TMEM132B: variants seen among roughly 807,000 people sequenced by gnomAD.
TMEM132B encodes the protein transmembrane protein 132B.
A neutral mutation model predicts 90.8 loss-of-function variants in TMEM132B; 18 were observed. That is an observed-to-expected ratio of 0.20 (90% CI 0.14 to 0.29). The LOEUF (loss-of-function observed/expected upper bound fraction) is 0.29, where lower values mean the gene tolerates loss of function less well. Among genes scored for constraint, TMEM132B ranks in the 10% least tolerant of loss-of-function variants. The probability of loss-of-function intolerance (pLI) is 1.00; values close to 1 mark genes in which losing one functional copy is unlikely to be tolerated. For missense variants in TMEM132B, 1,096 were observed against 1,326.8 expected (o/e 0.83, Z 2.70); for synonymous variants, 504 against 523.3 (o/e 0.96, Z 0.50).
Position 125,411,157 on chromosome 12 carries a change from G to GGAGTGGAGA in TMEM132B, c.960-4374_960-4373insGAGTGGAGA, listed in dbSNP as rs1424445944. Among the ~76,000 whole-genome samples, 14 of 93,744 alleles carry GGAGTGGAGA rather than the reference G, an allele frequency of 1.5e-4. 1 individual carries two copies. Among genetic ancestry groups the GGAGTGGAGA allele is most frequent in the Admixed American group, 6.9e-4 (7 of 10,106 alleles). The allele number at this position is 93,744 out of a possible 152,430, so 61.5% of individuals were successfully genotyped here. On this transcript the variant is annotated intron_variant, in intron 2 of 8. Coordinates refer to ENST00000682704, the MANE Select transcript of TMEM132B (RefSeq NM_001366854.1). The stretch of plus-strand genomic sequence containing the variant: ...GTGGAGTGGAGTGAGTGGAGTGGAG[G>GGAGTGGAGA]AGTGGAGTGGAGTGGAGTGGAGTGA...
intron 3 of TMEM132B, among the ~76,000 whole-genome samples, chr12:125,431,581 G>T (rs1465917254): frequency 1.3e-5 from 2 of 152,112 alleles, no homozygotes; most frequent in Non-Finnish European, 2.9e-5. Flanking sequence ...TCTTCCTGTG[G>T]GCCACGGCTG....
intron 5 of TMEM132B, among the ~76,000 whole-genome samples, chr12:125,610,094 A>G (rs1308668522): frequency 2.6e-5 from 4 of 151,890 alleles, no homozygotes; most frequent in African/African-American, 9.7e-5. Flanking sequence ...TGTATCTTGC[A>G]TGCTTGCTGA....
intron 4 of TMEM132B, among the ~76,000 whole-genome samples, chr12:125,550,627 T>C (rs1199217358): frequency 6.6e-6 from 1 of 152,202 alleles, no homozygotes; most frequent in Non-Finnish European, 1.5e-5. Flanking sequence ...AGACTACTTT[T>C]TGGTGAATGA....
At chr12:125,285,722 G>A (rs1875332273) in intron 1 of TMEM132B, among the ~76,000 whole-genome samples, 1 of 152,174 alleles carries the variant, frequency 6.6e-6, no homozygotes, top group African/African-American at 2.4e-5. Context: ...CAGATCCCTG[G>A]TAGCAACATG....
At chr12:125,509,043 C>T (rs1328957629) in intron 3 of TMEM132B, among the ~76,000 whole-genome samples, 3 of 152,094 alleles carry the variant, frequency 2.0e-5, no homozygotes, top group Non-Finnish European at 4.4e-5. Context: ...CTCGGCCTCT[C>T]AACATGCTGG....
intron 2 of TMEM132B, among the ~76,000 whole-genome samples, chr12:125,400,621 A>G (rs1593123875): frequency 6.6e-6 from 1 of 152,096 alleles, no homozygotes; most frequent in Non-Finnish European, 1.5e-5. Flanking sequence ...ATGCCCTGTA[A>G]CCTGTTGCAA....
At chr12:125,640,521 G>T (rs1886602295) in intron 5 of TMEM132B, among the ~76,000 whole-genome samples, 1 of 152,166 alleles carries the variant, frequency 6.6e-6, no homozygotes, top group Non-Finnish European at 1.5e-5. Context: ...GGGCGTGCAA[G>T]GTGAGGCCAG....
chr12:125,286,711 T>C (rs1445752960), intron 1 of TMEM132B, among the ~76,000 whole-genome samples: 1 of 152,026 alleles, frequency 6.6e-6, no homozygotes, highest in African/African-American at 2.4e-5. Context: ...AATTCCTTTT[T>C]TTTTTGTTTT....
rs753441483 is a variant in TMEM132B, at chr12:125,650,894, G to A, written c.1855G>A (p.Ala619Thr). The change falls in exon 7 of 9, where the codon GCT (alanine) becomes ACT (threonine). Residue 619 changes from alanine to threonine, a missense_variant. Coordinates refer to ENST00000682704, the MANE Select transcript of TMEM132B (RefSeq NM_001366854.1). ...EFMKVEEPKIAQLQDGRTLAG... is the reference protein window; with the variant it reads ...EFMKVEEPKITQLQDGRTLAG... ...CATGAAGGTGGAGGAGCCGAAAATC[G>A]CTCAGTTACAGGACGGCAGGACCCT... The A allele has an allele frequency of 1.1e-5, 18 of 1,613,618 alleles. No homozygotes were observed. The highest frequency in any genetic ancestry group is 3.3e-5 in the Admixed American group (2 of 59,998).
intron 1 of TMEM132B, among the ~76,000 whole-genome samples, chr12:125,340,891 C>T (rs1191120008): frequency 1.3e-5 from 2 of 152,208 alleles, no homozygotes; most frequent in African/African-American, 2.4e-5. Flanking sequence ...GAGGCATCCT[C>T]GTAAGCTCAC....
intron 1 of TMEM132B, among the ~76,000 whole-genome samples, chr12:125,292,347 G>A (rs912574674): frequency 6.6e-6 from 1 of 152,202 alleles, no homozygotes; most frequent in Non-Finnish European, 1.5e-5. Flanking sequence ...TGGAACAAAT[G>A]TGAAATGTTT....
chr12:125,409,421 C>T (rs911067034), intron 2 of TMEM132B, among the ~76,000 whole-genome samples: 14 of 152,254 alleles, frequency 9.2e-5, no homozygotes, highest in Middle Eastern at 3.4e-3. Flanking sequence ...AGGAGGCATC[C>T]GGCGGCAGTG....
intron 5 of TMEM132B, among the ~76,000 whole-genome samples, chr12:125,593,464 C>T (rs1254192512): frequency 6.6e-6 from 1 of 152,218 alleles, no homozygotes; most frequent in Non-Finnish European, 1.5e-5. Context: ...TGGCCATGTG[C>T]TTCCTTCTCT....
intron 1 of TMEM132B, among the ~76,000 whole-genome samples, chr12:125,341,628 A>G (rs1327413625): frequency 6.6e-6 from 1 of 152,204 alleles, no homozygotes; most frequent in African/African-American, 2.4e-5. Flanking sequence ...TTATGAGTAT[A>G]CACAAAGCAC....
At chr12:125,619,194 T>A (rs1886059843) in intron 5 of TMEM132B, among the ~76,000 whole-genome samples, 1 of 152,170 alleles carries the variant, frequency 6.6e-6, no homozygotes, top group African/African-American at 2.4e-5. Context: ...GGATTGGTAC[T>A]CGGAATCTCT....
chr12:125,432,395 A>ATATATATATG (rs1206464747), intron 3 of TMEM132B, among the ~76,000 whole-genome samples: 1 of 108,038 alleles, frequency 9.3e-6, no homozygotes, highest in Admixed American at 1.0e-4. Flanking sequence ...ATATATATAT[A>ATATATATATG]TATGTATGTA....
At chr12:125,324,974 T>C (rs2136194444) in intron 1 of TMEM132B, among the ~76,000 whole-genome samples, 1 of 152,288 alleles carries the variant, frequency 6.6e-6, no homozygotes, top group Non-Finnish European at 1.5e-5. Flanking sequence ...CAGTTCCTGC[T>C]CTGGGCCCCT....
At position 125,504,027 on chromosome 12, in the gene TMEM132B, A is replaced by T. The variant is rs574576367; in HGVS notation, c.1107-15412A>T. On this transcript the variant is annotated intron_variant, in intron 3 of 8. Transcript: ENST00000682704. ...CTGTTGTAATTAATACAATGGGCCA[A>T]GTCACAGACGTGATACAATCATTGG... 4.3e-4 allele frequency among the ~76,000 whole-genome samples: 65 copies of T among 152,376 alleles called. No homozygotes were observed. The South Asian group carries it at 6.2e-3, about 15-fold the overall frequency.
intron 1 of TMEM132B, among the ~76,000 whole-genome samples, chr12:125,193,056 G>T (rs1336582543): frequency 6.6e-6 from 1 of 152,188 alleles, no homozygotes; most frequent in African/African-American, 2.4e-5. Context: ...TTAGCACAGG[G>T]CACGAGTCCC....
Sources: allele counts gnomAD v4.1 joint callset (sites outside exome capture counted in the v4.1 genomes callset), GRCh38; gene constraint gnomAD v4.1.1; transcripts MANE v1.5; gene names NCBI Gene and HGNC (gene_info 2026-07-23, HGNC 2026-07-21).